Variants in CALN1 observed in about 807,000 individuals in gnomAD.
CALN1 encodes calneuron 1, also known as calcium-binding protein 8.
Under a neutral mutation model 30.6 loss-of-function variants are expected in CALN1, and 17 were observed. That is an observed-to-expected ratio of 0.56 (90% confidence interval 0.38 to 0.83). CALN1 has a LOEUF of 0.83. CALN1 is among the 40% of genes least tolerant of loss of function. The pLI, the probability that CALN1 is intolerant of heterozygous loss-of-function variation, is 0.00. For missense variants in CALN1, 291 were observed against 354.9 expected (o/e 0.82, Z 1.45); for synonymous variants, 156 against 131.4 (o/e 1.19, Z -1.28).
At chr7:71,836,416 TGCATCTCTGCAGTGGTGCAATC>T (rs962766830) in intron 5 of CALN1, among the ~76,000 whole-genome samples, 10 of 152,248 alleles carry the variant, frequency 6.6e-5, no homozygotes, top group African/African-American at 1.7e-4. Flanking sequence ...GAAAAGACCT[TGCATCTCTGCAGTGGTGCAATC>T]GCATCTCTGC....
Position 71,796,013 on chromosome 7 carries a change from G to C in CALN1, c.659-8111C>G, listed in dbSNP as rs951318962. 2.7e-5 allele frequency among the ~76,000 whole-genome samples: 4 copies of C among 150,600 alleles called. No individual in the cohort carries two copies. In the East Asian group the frequency reaches 7.9e-4, roughly 30 times the overall value. ...TTTTGCATTTTTTTTTTTTAGCAGA[G>C]ATGAGATTTCACTGTGTTAGCCAGG... On this transcript the variant is annotated intron_variant, in intron 6 of 6. Transcript: ENST00000395275.
chr7:72,372,758 G>C (rs1016727942), intron 2 of CALN1, among the ~76,000 whole-genome samples: 1 of 152,110 alleles, frequency 6.6e-6, no homozygotes, highest in East Asian at 1.9e-4. Flanking sequence ...CAACCAGACT[G>C]ATCGCCTACT....
intron 2 of CALN1, among the ~76,000 whole-genome samples, chr7:72,316,678 G>A (rs529146465): frequency 6.6e-6 from 1 of 152,254 alleles, no homozygotes; most frequent in South Asian, 2.1e-4. Flanking sequence ...TCTCATGCCT[G>A]AAACCCCAGC....
intron 2 of CALN1, among the ~76,000 whole-genome samples, chr7:72,395,519 C>T (rs1458992852): frequency 1.3e-5 from 2 of 152,106 alleles, no homozygotes; most frequent in Non-Finnish European, 2.9e-5. Flanking sequence ...GAGTATCATC[C>T]GAATTTTACT....
intron 2 of CALN1, among the ~76,000 whole-genome samples, chr7:72,361,970 A>G (rs925609483): frequency 6.6e-6 from 1 of 152,176 alleles, no homozygotes; most frequent in African/African-American, 2.4e-5. Context: ...TTTTATTCAT[A>G]ATTTTTTTAA....
chr7:72,325,745 C>T (rs180973382), intron 2 of CALN1, among the ~76,000 whole-genome samples: 22 of 152,284 alleles, frequency 1.4e-4, no homozygotes, highest in Admixed American at 1.3e-3. Context: ...CCCATCTCTG[C>T]TGAGGGCAGA....
the CALN1 span, among the ~76,000 whole-genome samples, chr7:72,487,739 AAGGAAGG>A: frequency 6.9e-5 from 8 of 115,690 alleles, no homozygotes; most frequent in Non-Finnish European, 1.0e-4. Flanking sequence ...GAAAGAAAGG[AAGGAAGG>A]AAGGAAGGAA....
At chr7:72,403,554 TG>T in intron 1 of CALN1, 112 bp from the exon 2 acceptor site, 1 of 487,502 alleles carries the variant, frequency 2.1e-6, no homozygotes. Context: ...CACAGGACAA[TG>T]GTAGAAACAC....
At chr7:71,985,579 G>C (rs1175058562) in intron 5 of CALN1, among the ~76,000 whole-genome samples, 1 of 131,880 alleles carries the variant, frequency 7.6e-6, no homozygotes, top group Non-Finnish European at 1.6e-5. Flanking sequence ...TGTACAGGTA[G>C]TTTTCTTTTT....
Position 72,307,856 on chromosome 7 carries a change from G to A in CALN1, c.120-29046C>T, listed in dbSNP as rs554741153. On this transcript the variant is annotated intron_variant, in intron 2 of 6. Coordinates refer to ENST00000395275, the MANE Select transcript of CALN1 (RefSeq NM_031468.4). ...GTTGCCTCAGGACATCTGCTGGCAA[G>A]AGGAGGGTCCCAGACGACAAGAGAA... Among the ~76,000 whole-genome samples, 10 of 151,000 alleles carry A rather than the reference G, an allele frequency of 6.6e-5. 1 individual carries two copies. The East Asian group carries it at 1.4e-3, about 21-fold the overall frequency.
rs1231689469 is a variant in CALN1, at chr7:71,924,415, T to A, written c.501+99242A>T. Reference sequence around the variant, plus strand: ...TACATTTTTAATATAATACTTAATATATACAAAAGAATGTTTATATATTAC... The same window carrying A: ...TACATTTTTAATATAATACTTAATAAATACAAAAGAATGTTTATATATTAC... On this transcript the variant is annotated intron_variant, in intron 5 of 6. Coordinates refer to ENST00000395275, the MANE Select transcript of CALN1 (RefSeq NM_031468.4). 3.4e-5 allele frequency among the ~76,000 whole-genome samples: 5 copies of A among 148,622 alleles called. 1 individual carries two copies. The East Asian group carries it at 9.7e-4, about 29-fold the overall frequency.
chr7:72,434,877 C>T (rs1185839906), intron 1 of CALN1, among the ~76,000 whole-genome samples: 1 of 152,176 alleles, frequency 6.6e-6, no homozygotes, highest in Non-Finnish European at 1.5e-5. Flanking sequence ...TGAAGCAATC[C>T]AGAAATGGCC....
At chr7:72,135,380 A>G (rs755689809) in intron 3 of CALN1, among the ~76,000 whole-genome samples, 32 of 152,160 alleles carry the variant, frequency 2.1e-4, no homozygotes, top group Non-Finnish European at 3.1e-4. Flanking sequence ...AAATATTAAG[A>G]CTTGAAAGTT....
intron 3 of CALN1, among the ~76,000 whole-genome samples, chr7:72,249,246 T>G (rs1364293089): frequency 6.6e-6 from 1 of 152,074 alleles, no homozygotes; most frequent in Non-Finnish European, 1.5e-5. Flanking sequence ...GACCCTCCAC[T>G]CCAGTCGTGA....
rs116913631 is a variant in CALN1 at position 72,368,357 on chromosome 7, T to C, written c.119+34894A>G. On this transcript the variant is annotated intron_variant, in intron 2 of 6. Transcript: ENST00000395275. ...TTTTTACATATATACACAAAGGGCA[T>C]ACATGCACAGAAAGCACATAAGATG... Among the ~76,000 whole-genome samples, 157 of 151,754 alleles carry C rather than the reference T, an allele frequency of 1.0e-3. 1 individual carries two copies. In the East Asian group the frequency reaches 0.017, roughly 16 times the overall value.
At chr7:71,948,051 T>A (rs1288505663) in intron 5 of CALN1, among the ~76,000 whole-genome samples, 1 of 152,096 alleles carries the variant, frequency 6.6e-6, no homozygotes, top group African/African-American at 2.4e-5. Flanking sequence ...TGCCCAGATT[T>A]TGTTCAGGTG....
At chr7:72,045,649 C>A (rs923599414) in intron 4 of CALN1, among the ~76,000 whole-genome samples, 7 of 152,114 alleles carry the variant, frequency 4.6e-5, no homozygotes, top group African/African-American at 1.7e-4. Context: ...CTGCCTCAGC[C>A]TCCTAAGTAG....
At chr7:72,002,913 A>G (rs1342287322) in intron 5 of CALN1, among the ~76,000 whole-genome samples, 1 of 152,162 alleles carries the variant, frequency 6.6e-6, no homozygotes, top group Non-Finnish European at 1.5e-5. Context: ...TGAGGTGGGG[A>G]GATATTGAGG....
intron 5 of CALN1, among the ~76,000 whole-genome samples, chr7:71,859,757 T>G (rs1373481474): frequency 6.6e-6 from 1 of 152,202 alleles, no homozygotes; most frequent in South Asian, 2.1e-4. Flanking sequence ...GTTAGTTCTT[T>G]TTAACTGAGC....
Sources: gnomAD v4.1 joint callset for allele counts (sites outside exome capture counted in the v4.1 genomes callset) on GRCh38, gnomAD v4.1.1 for gene constraint, MANE v1.5 for transcripts, NCBI Gene and HGNC (gene_info 2026-07-23, HGNC 2026-07-21) for gene names.